TBCK: variants seen among roughly 807,000 people sequenced by gnomAD.
TBCK encodes TBC1 domain containing kinase, also known as TBC domain-containing protein kinase-like protein.
TBCK carries 99 observed loss-of-function variants against 113.4 expected under a neutral mutation model. That is an observed-to-expected ratio of 0.87 (90% CI 0.74 to 1.03). The LOEUF is 1.03. Ranked by LOEUF, TBCK falls within the 50% of genes least tolerant of loss-of-function variation. The pLI is 0.00. For synonymous variants in TBCK, 369 were observed against 370.8 expected (o/e 1.00, Z 0.05); for missense variants, 1,045 against 1,061.3 (o/e 0.98, Z 0.21).
chr4:106,160,952 C>CT (rs762059800), intron 23 of TBCK, among the ~76,000 whole-genome samples: 3 of 151,620 alleles, frequency 2.0e-5, no homozygotes, highest in Non-Finnish European at 4.4e-5. Flanking sequence ...AAAAAAAAAT[C>CT]TGACCAAAAC....
chr4:106,147,502 A>G (rs1560719224), intron 23 of TBCK, among the ~76,000 whole-genome samples: 1 of 152,208 alleles, frequency 6.6e-6, no homozygotes, highest in Non-Finnish European at 1.5e-5. Context: ...TTTCATGGAC[A>G]TTTATTAGTT....
intron 23 of TBCK, among the ~76,000 whole-genome samples, chr4:106,154,767 TTTC>T (rs1748931817): frequency 6.6e-6 from 1 of 152,194 alleles, no homozygotes; most frequent in Non-Finnish European, 1.5e-5. Flanking sequence ...GTCAATTAAA[TTTC>T]TTTTCTTTAT....
intron 23 of TBCK, among the ~76,000 whole-genome samples, chr4:106,152,096 T>C (rs1158649642): frequency 2.6e-5 from 4 of 152,022 alleles, no homozygotes. Context: ...CTAATTGCTC[T>C]GGCTAGTACT....
chr4:106,313,857 A>G (rs1161140394), intron 1 of TBCK, among the ~76,000 whole-genome samples: 1 of 152,228 alleles, frequency 6.6e-6, no homozygotes, highest in Non-Finnish European at 1.5e-5. Context: ...ACGGTTAAAA[A>G]CTATGTATTA....
At chr4:106,182,708 C>T (rs1316411468) in intron 22 of TBCK, 1 of 151,896 alleles carries the variant, frequency 6.6e-6, no homozygotes, top group Non-Finnish European at 1.5e-5. Flanking sequence ...GAAATTATCA[C>T]TGTAGAAGAA....
intron 25 of TBCK, among the ~76,000 whole-genome samples, chr4:106,049,243 G>C (rs1699198833): frequency 6.6e-6 from 1 of 152,108 alleles, no homozygotes; most frequent in Non-Finnish European, 1.5e-5. Context: ...GGAGTGCTTA[G>C]AGTTCAGTGG....
intron 23 of TBCK, among the ~76,000 whole-genome samples, chr4:106,161,210 T>G (rs1749751451): frequency 6.6e-6 from 1 of 152,158 alleles, no homozygotes; most frequent in Non-Finnish European, 1.5e-5. Flanking sequence ...GTTGTGTGTA[T>G]TTTTATCACA....
At chr4:106,168,439 A>G (rs1247253336) in intron 23 of TBCK, among the ~76,000 whole-genome samples, 1 of 151,942 alleles carries the variant, frequency 6.6e-6, no homozygotes, top group Admixed American at 6.6e-5. Context: ...GGAACAAGGT[A>G]AGGATGTCCT....
intron 23 of TBCK, among the ~76,000 whole-genome samples, chr4:106,166,677 A>T (rs569096661): frequency 7.5e-4 from 114 of 151,792 alleles, no homozygotes; most frequent in African/African-American, 2.2e-4. Context: ...AGGTGCATAA[A>T]TTTTTTTAAA....
intron 1 of TBCK, among the ~76,000 whole-genome samples, chr4:106,313,716 A>G (rs1768437643): frequency 6.6e-6 from 1 of 152,240 alleles, no homozygotes; most frequent in Non-Finnish European, 1.5e-5. Context: ...TTTAAGGGGA[A>G]AATCTTCAAA....
chr4:106,069,224 C>G lies in TBCK; in HGVS notation c.2572-22544G>C, dbSNP rs186372646. ...TTAGACATGAAGTCCTTGCCCATGC[C>G]TATGTCCTGAATGGTATTGCCCAGG... On this transcript the variant is annotated intron_variant, in intron 25 of 25. Transcript: ENST00000394708. 5.2e-3 allele frequency among the ~76,000 whole-genome samples: 794 copies of G among 152,282 alleles called. 4 individuals carry two copies. Among genetic ancestry groups the G allele is most frequent in the African/African-American group, 0.017 (694 of 41,552 alleles).
At position 106,043,296 on chromosome 4, in the gene TBCK, C is replaced by T. The variant is rs1282074339; in HGVS notation, c.*3274G>A. On this transcript the variant is annotated 3_prime_UTR_variant, in exon 26 of 26. Transcript: ENST00000394708. Reference sequence around the variant, plus strand: ...CTTCTAGAATTATCAGATTTTAGAGCTGGATGGGACTTTAGAGATCCTTTT... The same window carrying T: ...CTTCTAGAATTATCAGATTTTAGAGTTGGATGGGACTTTAGAGATCCTTTT... 5.3e-5 allele frequency: 8 copies of T among 151,956 alleles called. No homozygotes were observed. The highest frequency in any genetic ancestry group is 1.9e-4 in the African/African-American group (8 of 41,348). 9.4% of individuals were successfully genotyped at this position (151,956 alleles called of 1,614,324 possible).
At chr4:106,186,679 T>C (rs1474307634) in intron 22 of TBCK, among the ~76,000 whole-genome samples, 1 of 152,130 alleles carries the variant, frequency 6.6e-6, no homozygotes, top group Non-Finnish European at 1.5e-5. Context: ...ATTTTGTAGG[T>C]TGTCTGTTTA....
At position 106,048,702 on chromosome 4, in the gene TBCK, C is replaced by G. The variant is rs868689871; in HGVS notation, c.2572-2022G>C. ...TGAAAAAGCCTTGTGGATAAGCAGT[C>G]TTAACTTTCAGTTCTTTCAAAACAT... On this transcript the variant is annotated intron_variant, in intron 25 of 25. Transcript: ENST00000394708. Among the ~76,000 whole-genome samples, 192 of 152,126 alleles carry G rather than the reference C, an allele frequency of 1.3e-3. 1 individual carries two copies. Among genetic ancestry groups the G allele is most frequent in the African/African-American group, 4.3e-3 (177 of 41,428 alleles).
intron 10 of TBCK, among the ~76,000 whole-genome samples, chr4:106,245,416 T>C (rs1198921875): frequency 6.6e-6 from 1 of 152,072 alleles, no homozygotes; most frequent in African/African-American, 2.4e-5. Flanking sequence ...AGAGGGGAAA[T>C]ACCAAAATGC....
At position 106,212,759 on chromosome 4, in the gene TBCK, G is replaced by A. The variant is rs1313704220; in HGVS notation, c.1851C>T (p.Phe617=). 1 of 1,607,180 alleles carries A rather than the reference G, an allele frequency of 6.2e-7. No individual in the cohort carries two copies. Among genetic ancestry groups the A allele is most frequent in the East Asian group, 2.2e-5 (1 of 44,652 alleles). The change falls in exon 20 of 26, where the codon TTC becomes TTT. Residue 617 remains phenylalanine (F), a synonymous_variant. Transcript: ENST00000394708. The part of the protein sequence containing the change: ...ELSNHLNEIG[F]IPDLYAIPWF... ...TGCACCAAGTACTTACATCTGGAAT[G>A]AAACCAATCTCATTGAGATGATTAC...
At chr4:106,245,882 A>G (rs939234706) in intron 10 of TBCK, among the ~76,000 whole-genome samples, 2 of 152,100 alleles carry the variant, frequency 1.3e-5, no homozygotes, top group African/African-American at 4.8e-5. Flanking sequence ...CAGCACTTTC[A>G]TTTAGATCCC....
At chr4:106,269,628 T>C (rs1763294350) in intron 3 of TBCK, among the ~76,000 whole-genome samples, 1 of 152,212 alleles carries the variant, frequency 6.6e-6, no homozygotes, top group Non-Finnish European at 1.5e-5. Context: ...ATTGCATTGA[T>C]AAACTGCTAC....
chr4:106,305,168 C>A (rs1190923391), intron 2 of TBCK, among the ~76,000 whole-genome samples: 2 of 152,036 alleles, frequency 1.3e-5, no homozygotes, highest in African/African-American at 4.8e-5. Context: ...ACATCTTCAC[C>A]TTGATTATTT....
Sources: gnomAD v4.1 joint callset for allele counts (sites outside exome capture counted in the v4.1 genomes callset) on GRCh38, gnomAD v4.1.1 for gene constraint, MANE v1.5 for transcripts, NCBI Gene and HGNC (gene_info 2026-07-23, HGNC 2026-07-21) for gene names.